SAMD12: variants seen among roughly 807,000 people sequenced by gnomAD.
SAMD12 encodes the protein sterile alpha motif domain containing 12.
In SAMD12, 9 loss-of-function variants were observed where a neutral mutation model predicts 15.0. The observed-to-expected ratio is 0.60, with a 90% CI of 0.36 to 1.05. The LOEUF is 1.05. Among genes scored for constraint, SAMD12 ranks in the 50% least tolerant of loss-of-function variants. The pLI is 0.01. For synonymous variants in SAMD12, 86 were observed against 90.1 expected, an observed-to-expected ratio of 0.96 and a Z score of 0.25; for missense variants, 230 against 234.2, an observed-to-expected ratio of 0.98 and a Z score of 0.12.
At chr8:118,537,779 C>T (rs905057758) in intron 2 of SAMD12, among the ~76,000 whole-genome samples, 9 of 152,312 alleles carry the variant, frequency 5.9e-5, no homozygotes, top group South Asian at 2.1e-4. Flanking sequence ...TACCCGGAAT[C>T]GCTGTTTCTC....
At chr8:118,341,638 C>A (rs1403334378) in intron 4 of SAMD12, among the ~76,000 whole-genome samples, 1 of 152,082 alleles carries the variant, frequency 6.6e-6, no homozygotes, top group South Asian at 2.1e-4. Context: ...TGTGTCTTTG[C>A]GTAGTGGAAA....
At chr8:118,436,623 A>C (rs1822581333) in intron 3 of SAMD12, among the ~76,000 whole-genome samples, 1 of 152,220 alleles carries the variant, frequency 6.6e-6, no homozygotes, top group South Asian at 2.1e-4. Flanking sequence ...AGCACTCAGG[A>C]GAATCTAAGC....
chr8:118,473,344 G>A (rs910292622), intron 2 of SAMD12, among the ~76,000 whole-genome samples: 4 of 152,066 alleles, frequency 2.6e-5, no homozygotes, highest in Non-Finnish European at 1.5e-5. Context: ...TAGTGAGTAC[G>A]CCATCTGTTT....
At chr8:118,425,095 C>G (rs58494399) in intron 3 of SAMD12, among the ~76,000 whole-genome samples, 3 of 151,968 alleles carry the variant, frequency 2.0e-5, no homozygotes, top group East Asian at 3.9e-4. Flanking sequence ...CCCGCCACCA[C>G]GCCCAGCTAA....
chr8:118,334,659 G>A (rs1326759498), intron 4 of SAMD12, among the ~76,000 whole-genome samples: 4 of 152,074 alleles, frequency 2.6e-5, no homozygotes, highest in South Asian at 2.1e-4. Context: ...GCAGTGGAGC[G>A]ATCATGGCTC....
intron 2 of SAMD12, among the ~76,000 whole-genome samples, chr8:118,543,151 C>T (rs78886443): frequency 0.053 from 8,118 of 152,182 alleles, 279 homozygotes; most frequent in South Asian, 0.15. Context: ...GGGAGGAAAT[C>T]GACCCTTGAA....
chr8:118,396,876 CAG>C (rs1368622196), intron 3 of SAMD12, among the ~76,000 whole-genome samples: 4 of 152,222 alleles, frequency 2.6e-5, no homozygotes, highest in African/African-American at 9.6e-5. Context: ...GGAAGATACT[CAG>C]AGAGGGGAAA....
In SAMD12 at chr8:118,578,108, C is replaced by T. The variant is rs994193299; in HGVS notation, c.192+2607G>A. On this transcript the variant is annotated intron_variant, in intron 2 of 3. Coordinates refer to ENST00000314727, the MANE Select transcript of SAMD12 (RefSeq NM_207506.3). ...ACAGAGACAGACATTTTTACATAAA[C>T]GGAAACATACAATATCTACTATGTC... Among the ~76,000 whole-genome samples the T allele has an allele frequency of 4.6e-5, 7 of 152,236 alleles. No homozygotes were observed. The East Asian group carries it at 7.7e-4, about 17-fold the overall frequency.
chr8:118,197,558 A>C (rs1819600310), exon 5 of SAMD12: 4 of 766,820 alleles, frequency 5.2e-6, no homozygotes, highest in Non-Finnish European at 9.4e-6. Context: ...AACCCATAAT[A>C]TTGACTGAAT....
chr8:118,287,219 G>A (rs1415432498), intron 4 of SAMD12, among the ~76,000 whole-genome samples: 3 of 151,384 alleles, frequency 2.0e-5, no homozygotes, highest in African/African-American at 4.9e-5. Flanking sequence ...CCGCCTCCCG[G>A]GTTCAGGCCA....
intron 3 of SAMD12, among the ~76,000 whole-genome samples, chr8:118,380,573 C>CA (rs1563812190): frequency 6.6e-6 from 1 of 152,080 alleles, no homozygotes; most frequent in African/African-American, 2.4e-5. Flanking sequence ...GGGTTTACTG[C>CA]AAAAAATAAA....
In SAMD12 at chr8:118,379,627, G is replaced by A. The variant is rs12171673; in HGVS notation, c.396C>T (p.His132=). The part of the protein sequence containing the change: ...MGIAQENLRQ[H]ILQQVLQLKV... ...TCAGCTGGAGCACCTGTTGTAAGAT[G>A]TGCTGCCGGAGGTTCTCCTGGGCAA... The change falls in exon 4 of 4, where the codon CAC becomes CAT. Residue 132 remains histidine, a synonymous_variant. Coordinates refer to ENST00000314727, the MANE Select transcript of SAMD12 (RefSeq NM_207506.3). 249,443 of 1,613,652 alleles carry A rather than the reference G, an allele frequency of 0.15. 21,724 individuals are homozygous for A. Among genetic ancestry groups the A allele is most frequent in the Non-Finnish European group, 0.17 (203,311 of 1,179,710 alleles).
At chr8:118,618,476 G>A (rs1004658505) in intron 1 of SAMD12, among the ~76,000 whole-genome samples, 5 of 152,194 alleles carry the variant, frequency 3.3e-5, no homozygotes, top group African/African-American at 7.2e-5. Context: ...GAGAAGGGAT[G>A]AGAGTACAAG....
chr8:118,337,824 C>A (rs938903489), intron 4 of SAMD12, among the ~76,000 whole-genome samples: 4 of 152,110 alleles, frequency 2.6e-5, no homozygotes, highest in African/African-American at 9.7e-5. Context: ...TACATTGATT[C>A]CTTTAAGTGA....
intron 4 of SAMD12, among the ~76,000 whole-genome samples, chr8:118,222,389 T>C (rs1341125323): frequency 2.0e-5 from 3 of 152,206 alleles, no homozygotes; most frequent in Non-Finnish European, 4.4e-5. Context: ...TAGAGTGTCA[T>C]GAACCTCTGT....
chr8:118,496,881 C>T (rs576857655), intron 2 of SAMD12, among the ~76,000 whole-genome samples: 10 of 148,770 alleles, frequency 6.7e-5, no homozygotes, highest in African/African-American at 2.2e-4. Flanking sequence ...CAAAAAAAAA[C>T]CCAAATGACC....
intron 2 of SAMD12, among the ~76,000 whole-genome samples, chr8:118,458,836 G>A (rs1052869563): frequency 4.6e-5 from 7 of 151,928 alleles, no homozygotes; most frequent in South Asian, 4.2e-4. Context: ...ACTGTTATTC[G>A]TTCAAAAGTG....
intron 2 of SAMD12, among the ~76,000 whole-genome samples, chr8:118,552,615 T>C (rs988445212): frequency 6.6e-6 from 1 of 152,210 alleles, no homozygotes; most frequent in African/African-American, 2.4e-5. Context: ...CTTTGAAAAC[T>C]GGCACAAGAC....
At chr8:118,362,809 T>C (rs1371767574) in intron 4 of SAMD12, among the ~76,000 whole-genome samples, 1 of 152,224 alleles carries the variant, frequency 6.6e-6, no homozygotes, top group Non-Finnish European at 1.5e-5. Context: ...TTTCACATTA[T>C]TGATCTAACA....
Sources: gnomAD v4.1 joint callset for allele counts (sites outside exome capture counted in the v4.1 genomes callset) on GRCh38, gnomAD v4.1.1 for gene constraint, MANE v1.5 for transcripts, NCBI Gene and HGNC (gene_info 2026-07-23, HGNC 2026-07-21) for gene names.